Variants in PRKAR1A observed in about 807,000 individuals in gnomAD.
The protein encoded by PRKAR1A is cAMP-dependent protein kinase type I-alpha regulatory subunit.
Under a neutral mutation model 52.0 loss-of-function variants are expected in PRKAR1A, and 3 were observed. The observed-to-expected ratio is 0.06, with a 90% CI of 0.03 to 0.15. PRKAR1A has a LOEUF of 0.15. Ranked by LOEUF, PRKAR1A falls within the 10% of genes least tolerant of loss-of-function variation. PRKAR1A has a pLI of 1.00. For missense variants in PRKAR1A, 240 were observed against 477.4 expected, an observed-to-expected ratio of 0.50 and a Z score of 4.63; for synonymous variants, 188 against 168.4, an observed-to-expected ratio of 1.12 and a Z score of -0.90.
intron 2 of PRKAR1A, among the ~76,000 whole-genome samples, chr17:68,516,728 T>TA (rs11379909): frequency 0.31 from 46,330 of 149,076 alleles, 7,376 homozygotes; most frequent in East Asian, 0.55. Context: ...TCAGAATAAT[T>TA]AAAAAAAAAA....
the PRKAR1A span, among the ~76,000 whole-genome samples, chr17:68,465,757 T>C: frequency 6.7e-6 from 1 of 148,452 alleles, no homozygotes; most frequent in Non-Finnish European, 1.5e-5. Context: ...GCATGAGCCA[T>C]CGCGCCCGGC....
At chr17:68,519,448 C>T (rs562417375) in intron 2 of PRKAR1A, among the ~76,000 whole-genome samples, 15 of 152,276 alleles carry the variant, frequency 9.9e-5, no homozygotes, top group Admixed American at 8.5e-4. Flanking sequence ...CATGAGAGCT[C>T]ACTATCACCA....
downstream of PRKAR1A, chr17:68,537,811 C>T: frequency 6.6e-7 from 1 of 1,512,796 alleles, no homozygotes; most frequent in South Asian, 1.2e-5. The surrounding 1 kb of genome is among the most constrained non-coding windows in gnomAD (Gnocchi z 4.2). Flanking sequence ...ACTTCTTTCC[C>T]CACAAACAGC....
chr17:68,530,327 C>T lies in PRKAR1A; in HGVS notation c.1024C>T (p.Arg342Cys), dbSNP rs146383819. ...NRPRAATVVA[R>C]GPLKCVKLDR... is the part of the protein sequence containing the mutation. ...TCCTCGTGCTGCCACAGTTGTTGCT[C>T]GTGGCCCCTTGAAGTGCGTTAAGCT... Residue 342 changes from arginine (R) to cysteine (C), a missense_variant, in exon 11 of 11, where the codon CGT becomes TGT. By Grantham distance (180) the Arg-to-Cys change is radical. Around this residue, in one of 4 missense-constraint regions of PRKAR1A, gnomAD observed 26 missense variants for 53.6 expected, o/e 0.48. Coordinates refer to ENST00000589228, the MANE Select transcript of PRKAR1A (RefSeq NM_002734.5). 29 of 1,614,102 alleles carry T rather than the reference C, an allele frequency of 1.8e-5. No individual in the cohort carries two copies. Among genetic ancestry groups the T allele is most frequent in the South Asian group, 9.9e-5 (9 of 91,082 alleles).
At chr17:68,550,129 C>G (rs578207875) in intron 11 of PRKAR1A, among the ~76,000 whole-genome samples, 2 of 152,068 alleles carry the variant, frequency 1.3e-5, no homozygotes, top group African/African-American at 4.8e-5. Flanking sequence ...ATTTGACATT[C>G]ACCCCCAACT....
At position 68,531,202 on chromosome 17, in the gene PRKAR1A, C is replaced by G; in HGVS notation, c.*753C>G. 1.9e-6 allele frequency: 2 copies of G among 1,066,092 alleles called. No homozygotes were observed. The highest frequency in any genetic ancestry group is 2.3e-6 in the Non-Finnish European group (2 of 879,362). The allele number at this position is 1,066,092 out of a possible 1,614,324, so 66.0% of individuals were successfully genotyped here. On this transcript the variant is annotated 3_prime_UTR_variant, in exon 11 of 11. Coordinates refer to ENST00000589228, the MANE Select transcript of PRKAR1A (RefSeq NM_002734.5). ...AATATTGGTTAGTATTTAACTACAT[C>G]TGCCTCGGCTCACAAATTCCGATTA...
intron 2 of PRKAR1A, among the ~76,000 whole-genome samples, chr17:68,521,450 C>T (rs1047594052): frequency 2.0e-5 from 3 of 152,208 alleles, no homozygotes; most frequent in African/African-American, 7.2e-5. Flanking sequence ...AGGCGGGTCT[C>T]GAACTCCTGG....
the PRKAR1A span, among the ~76,000 whole-genome samples, chr17:68,477,671 A>C: frequency 1.3e-5 from 2 of 150,178 alleles, no homozygotes; most frequent in Admixed American, 1.3e-4. Context: ...TGTTCGATCT[A>C]ATGCTTCAAA....
chr17:68,546,298 C>T (rs1460414871), intron 11 of PRKAR1A, among the ~76,000 whole-genome samples: 5 of 151,864 alleles, frequency 3.3e-5, no homozygotes, highest in African/African-American at 1.2e-4. Context: ...TCCACATCTG[C>T]AGTTACCTTC....
the PRKAR1A span, among the ~76,000 whole-genome samples, chr17:68,483,112 C>T: frequency 7.7e-5 from 11 of 143,454 alleles, no homozygotes; most frequent in African/African-American, 2.9e-4. Context: ...GATCCATGAT[C>T]TAGTTTGAGT....
chr17:68,456,753 G>C, the PRKAR1A span, among the ~76,000 whole-genome samples: 1 of 152,150 alleles, frequency 6.6e-6, no homozygotes, highest in Non-Finnish European at 1.5e-5. Context: ...GAAATCCAAA[G>C]GTTTCTTCCA....
chr17:68,447,853 C>T, the PRKAR1A span, among the ~76,000 whole-genome samples: 2 of 151,782 alleles, frequency 1.3e-5, no homozygotes, highest in South Asian at 2.1e-4. Flanking sequence ...ATTAGCCGGG[C>T]GTGGTGGCAG....
chr17:68,464,695 AAAAC>A, the PRKAR1A span, among the ~76,000 whole-genome samples: 1 of 60,064 alleles, frequency 1.7e-5, no homozygotes, highest in Non-Finnish European at 3.9e-5. Flanking sequence ...CTCAAAAAAA[AAAAC>A]AAAAAAAACA....
the PRKAR1A span, among the ~76,000 whole-genome samples, chr17:68,444,895 T>C: frequency 6.7e-6 from 1 of 150,154 alleles, no homozygotes; most frequent in Non-Finnish European, 1.5e-5. Context: ...CTTCTTTCCT[T>C]AGAACAGGGA....
the PRKAR1A span, among the ~76,000 whole-genome samples, chr17:68,485,076 T>G: frequency 1.3e-5 from 2 of 152,248 alleles, no homozygotes; most frequent in Non-Finnish European, 2.9e-5. Flanking sequence ...TGAACTTCTA[T>G]GATTTGCTGG....
At chr17:68,426,254 G>GGGGT in the PRKAR1A span, 7 of 816,872 alleles carry the variant, frequency 8.6e-6, no homozygotes, top group Admixed American at 2.3e-5. Flanking sequence ...GGGAGCGGGG[G>GGGGT]CTCAAATAAA....
chr17:68,433,760 G>GTTTT, the PRKAR1A span, among the ~76,000 whole-genome samples: 18 of 72,818 alleles, frequency 2.5e-4, 4 homozygotes, highest in South Asian at 2.8e-3. Context: ...AAGGGTCATA[G>GTTTT]TTTTTTTTTT....
the PRKAR1A span, chr17:68,430,236 C>T: frequency 7.6e-6 from 11 of 1,449,942 alleles, no homozygotes; most frequent in South Asian, 5.3e-5. Context: ...CACACCCAAG[C>T]GTCATTAGCC....
At chr17:68,542,594 G>A (rs978044594) in intron 11 of PRKAR1A, 173 of 894,730 alleles carry the variant, frequency 1.9e-4, no homozygotes, top group Admixed American at 5.9e-4. Context: ...GTAATGGATA[G>A]TGCTAGCAGC....
Sources: allele counts gnomAD v4.1 joint callset (sites outside exome capture counted in the v4.1 genomes callset), GRCh38; gene constraint gnomAD v4.1.1; regional missense constraint gnomAD v4.1.1; non-coding constraint Gnocchi (gnomAD v3.1); transcripts MANE v1.5; gene names NCBI Gene and HGNC (gene_info 2026-07-23, HGNC 2026-07-21).